Variants in PDE3A observed in about 807,000 individuals in gnomAD.
The protein encoded by PDE3A is cGMP-inhibited 3',5'-cyclic phosphodiesterase 3A.
PDE3A carries 43 observed loss-of-function variants against 98.3 expected under a neutral mutation model. The ratio of observed to expected loss-of-function variants is 0.44; its 90% CI spans 0.34 to 0.56. The LOEUF (loss-of-function observed/expected upper bound fraction) is 0.56, where lower values mean the gene tolerates loss of function less well. PDE3A is among the 20% of genes least tolerant of loss of function. PDE3A has a pLI of 0.01. For missense variants in PDE3A, 1,427 were observed against 1,440.7 expected (o/e 0.99, Z 0.15); for synonymous variants, 663 against 567.9 (o/e 1.17, Z -2.38).
In PDE3A at chr12:20,616,354, G is replaced by A. The variant is rs753926506; in HGVS notation, c.1394G>A (p.Ser465Asn). Residue 465 changes from serine to asparagine, a missense_variant, in exon 4 of 16, where the codon AGC becomes AAC. Ser to Asn is a conservative substitution (Grantham distance 46). Coordinates refer to ENST00000359062, the MANE Select transcript of PDE3A (RefSeq NM_000921.5). ...CCAGTACGGAGAGACCGCAGCACCA[G>A]CATCAAACTGCAGGAAGCACCTTCA... ...PAPVRRDRST[S>N]IKLQEAPSSS... is the part of the protein sequence containing the mutation. 4 of 1,613,224 alleles carry A rather than the reference G, an allele frequency of 2.5e-6. No homozygotes were observed. Among genetic ancestry groups the A allele is most frequent in the Non-Finnish European group, 3.4e-6 (4 of 1,179,434 alleles).
chr12:20,650,798 A>G (rs925020069), intron 14 of PDE3A, among the ~76,000 whole-genome samples, 198 bp downstream of exon 14: 2 of 137,692 alleles, frequency 1.5e-5, no homozygotes, highest in African/African-American at 2.7e-5. Flanking sequence ...ATAGAACTCT[A>G]TGATAAAAGT....
chr12:20,534,861 C>G (rs1185956526), intron 1 of PDE3A, among the ~76,000 whole-genome samples: 1 of 151,986 alleles, frequency 6.6e-6, no homozygotes, highest in African/African-American at 2.4e-5. Flanking sequence ...TATTTTATGG[C>G]TTAATCATTA....
At chr12:20,374,464 CTG>C (rs1298729882) in intron 1 of PDE3A, among the ~76,000 whole-genome samples, 3 of 151,960 alleles carry the variant, frequency 2.0e-5, no homozygotes, top group Non-Finnish European at 4.4e-5. Context: ...AACAGTGACT[CTG>C]TGTATGAAAT....
intron 1 of PDE3A, among the ~76,000 whole-genome samples, chr12:20,401,829 C>T (rs181617957): frequency 3.3e-4 from 51 of 152,294 alleles, no homozygotes; most frequent in Admixed American, 8.5e-4. Context: ...ACCTCTCCTG[C>T]GCCCCACATT....
intron 8 of PDE3A, 85 bp downstream of exon 8, chr12:20,635,141 C>A: frequency 7.8e-7 from 1 of 1,287,614 alleles, no homozygotes; most frequent in Non-Finnish European, 1.1e-6. Context: ...ATCTTTGAGG[C>A]CAGGCAAGGT....
intron 1 of PDE3A, among the ~76,000 whole-genome samples, chr12:20,404,417 G>A (rs1944192195): frequency 6.6e-6 from 1 of 151,616 alleles, no homozygotes; most frequent in African/African-American, 2.4e-5. Flanking sequence ...ATATACTGTA[G>A]GTTAAAAAAG....
At position 20,486,548 on chromosome 12, in the gene PDE3A, C is replaced by T. The variant is rs113766557; in HGVS notation, c.961-70112C>T. Among the ~76,000 whole-genome samples, 530 of 152,268 alleles carry T rather than the reference C, an allele frequency of 3.5e-3. 5 individuals are homozygous for T. Among genetic ancestry groups the T allele is most frequent in the African/African-American group, 0.012 (479 of 41,562 alleles). ...CTTACTTCCCAGTGTATATGTTCCTCATGTTTTTAAAAAGGAAAATATGAT... is the reference window on the plus strand; with the variant it reads ...CTTACTTCCCAGTGTATATGTTCCTTATGTTTTTAAAAAGGAAAATATGAT... On this transcript the variant is annotated intron_variant, in intron 1 of 15. Transcript: ENST00000359062.
Position 20,369,581 on chromosome 12 carries a change from G to A in PDE3A, c.297G>A (p.Glu99=), listed in dbSNP as rs1252312721. Residue 99 remains glutamate, a synonymous_variant, in exon 1 of 16, where the codon GAG becomes GAA. Transcript: ENST00000359062. ...AGTGTAAGGAGGCGGCGGCGGCGGA[G>A]GAGGAGGAAGCAGCCCCGGGAGCAG... The part of the protein sequence containing the change: ...LEQCKEAAAA[E]EEEAAPGAEG... The A allele has an allele frequency of 3.2e-6, 5 of 1,557,112 alleles. No individual in the cohort carries two copies. In the Middle Eastern group the frequency reaches 8.5e-4, roughly 266 times the overall value.
chr12:20,500,828 C>T (rs1218131353), intron 1 of PDE3A, among the ~76,000 whole-genome samples: 4 of 148,320 alleles, frequency 2.7e-5, no homozygotes, highest in South Asian at 2.1e-4. Flanking sequence ...AGTACAGTGG[C>T]GCCATCTCAG....
At chr12:20,500,261 C>T (rs554180617) in intron 1 of PDE3A, among the ~76,000 whole-genome samples, 16 of 152,050 alleles carry the variant, frequency 1.1e-4, no homozygotes, top group Non-Finnish European at 1.9e-4. Context: ...ACTCAGATAC[C>T]GTATTAGATA....
Position 20,679,414 on chromosome 12 carries a change from A to AT in PDE3A, c.3185-610dup, listed in dbSNP as rs566744254. Among the ~76,000 whole-genome samples, 12 of 151,944 alleles carry AT rather than the reference A, an allele frequency of 7.9e-5. No individual in the cohort carries two copies. In the South Asian group the frequency reaches 2.3e-3, roughly 29 times the overall value. On this transcript the variant is annotated intron_variant, in intron 15 of 15. Coordinates refer to ENST00000359062, the MANE Select transcript of PDE3A (RefSeq NM_000921.5). ...TGGCGCCTGCCACCACGCCTGGTTAATTTTTTGTATTTTTAGTAGAGACAG... is the reference window on the plus strand; with the variant it reads ...TGGCGCCTGCCACCACGCCTGGTTAATTTTTTTGTATTTTTAGTAGAGACAG...
intron 15 of PDE3A, among the ~76,000 whole-genome samples, chr12:20,662,246 A>G (rs1055097603): frequency 6.6e-6 from 1 of 152,214 alleles, no homozygotes; most frequent in Non-Finnish European, 1.5e-5. Flanking sequence ...TGGAACTTCT[A>G]GAGACTTGTT....
At chr12:20,521,547 GAT>G (rs1300667000) in intron 1 of PDE3A, among the ~76,000 whole-genome samples, 1 of 152,116 alleles carries the variant, frequency 6.6e-6, no homozygotes, top group African/African-American at 2.4e-5. Context: ...ATTTTAAAAA[GAT>G]ATATGTGTGT....
chr12:20,384,542 T>C (rs1374988409), intron 1 of PDE3A, among the ~76,000 whole-genome samples: 1 of 152,000 alleles, frequency 6.6e-6, no homozygotes, highest in East Asian at 1.9e-4. Flanking sequence ...AATTTAATTT[T>C]AAAATTCCAG....
At chr12:20,672,110 GA>G (rs1460478596) in intron 15 of PDE3A, among the ~76,000 whole-genome samples, 1 of 151,092 alleles carries the variant, frequency 6.6e-6, no homozygotes, top group African/African-American at 2.4e-5. Flanking sequence ...GCTTCAAAGA[GA>G]ATAAAATACC....
At chr12:20,668,791 C>G (rs1321711480) in intron 15 of PDE3A, among the ~76,000 whole-genome samples, 2 of 151,724 alleles carry the variant, frequency 1.3e-5, no homozygotes, top group African/African-American at 4.9e-5. Flanking sequence ...AAGCAGAGCA[C>G]CAATCCTCCT....
intron 1 of PDE3A, among the ~76,000 whole-genome samples, chr12:20,481,198 G>A (rs1261840953): frequency 6.6e-6 from 1 of 152,124 alleles, no homozygotes; most frequent in Non-Finnish European, 1.5e-5. Context: ...GAAATAATTA[G>A]GGACTGTGGG....
intron 1 of PDE3A, among the ~76,000 whole-genome samples, chr12:20,391,941 A>T (rs1184254601): frequency 3.9e-5 from 6 of 151,976 alleles, no homozygotes; most frequent in Admixed American, 2.0e-4. Flanking sequence ...CCTAAGCATC[A>T]ACCCTCAACC....
At chr12:20,501,884 C>A (rs1010166242) in intron 1 of PDE3A, among the ~76,000 whole-genome samples, 3 of 152,020 alleles carry the variant, frequency 2.0e-5, no homozygotes, top group Non-Finnish European at 2.9e-5. Context: ...TAAATAACAC[C>A]CCACTTCATG....
Sources: allele counts gnomAD v4.1 joint callset (sites outside exome capture counted in the v4.1 genomes callset), GRCh38; gene constraint gnomAD v4.1.1; transcripts MANE v1.5; gene names NCBI Gene and HGNC (gene_info 2026-07-23, HGNC 2026-07-21).